Variants in RSRC1 observed in about 807,000 individuals in gnomAD.
The protein encoded by RSRC1 is serine/Arginine-related protein 53.
A neutral mutation model predicts 49.1 loss-of-function variants in RSRC1; 39 were observed. The observed-to-expected ratio is 0.79, with a 90% CI of 0.61 to 1.04. The LOEUF (loss-of-function observed/expected upper bound fraction) is 1.04, where lower values mean the gene tolerates loss of function less well. RSRC1 is among the 50% of genes least tolerant of loss of function. RSRC1 has a pLI of 0.00. For missense variants in RSRC1, 388 were observed against 402.4 expected, an observed-to-expected ratio of 0.96 and a Z score of 0.31; for synonymous variants, 143 against 130.8, an observed-to-expected ratio of 1.09 and a Z score of -0.63.
At chr3:158,279,777 C>T (rs1056840822) in intron 4 of RSRC1, among the ~76,000 whole-genome samples, 1 of 152,220 alleles carries the variant, frequency 6.6e-6, no homozygotes, top group Non-Finnish European at 1.5e-5. Flanking sequence ...TTCCCCCATG[C>T]CACTTCCTCT....
At chr3:158,487,949 G>GGAAAAAGAAAAAAA (rs1553814781) in intron 7 of RSRC1, among the ~76,000 whole-genome samples, 1 of 28,920 alleles carries the variant, frequency 3.5e-5, no homozygotes, top group Non-Finnish European at 6.0e-5. Context: ...TCCATCTCAA[G>GGAAAAAGAAAAAAA]AAAAAAAAAA....
chr3:158,258,166 C>G (rs1373432582), intron 4 of RSRC1, among the ~76,000 whole-genome samples: 1 of 140,072 alleles, frequency 7.1e-6, no homozygotes, highest in Non-Finnish European at 1.5e-5. Flanking sequence ...TTCTTATGCT[C>G]ATTAATGCCC....
rs116806724 is a variant in RSRC1 at position 158,466,698 on chromosome 3, C to T, written c.652+5695C>T. Among the ~76,000 whole-genome samples, 778 of 152,260 alleles carry T rather than the reference C, an allele frequency of 5.1e-3. 4 individuals are homozygous for T. The highest frequency in any genetic ancestry group is 0.018 in the African/African-American group (737 of 41,552). ...CCGAATAAATCACTTAACCTCTCTGCGACTCTAAAGTGGGGAACATGATAA... is the reference window on the plus strand; with the variant it reads ...CCGAATAAATCACTTAACCTCTCTGTGACTCTAAAGTGGGGAACATGATAA... On this transcript the variant is annotated intron_variant, in intron 7 of 9. Transcript: ENST00000611884.
intron 5 of RSRC1, among the ~76,000 whole-genome samples, chr3:158,316,349 T>C (rs1296258149): frequency 6.6e-6 from 1 of 151,840 alleles, no homozygotes; most frequent in East Asian, 1.9e-4. Flanking sequence ...TTTTTGAGTC[T>C]GTCTTATGTG....
chr3:158,346,456 A>G (rs150664543), intron 5 of RSRC1, among the ~76,000 whole-genome samples: 32 of 152,356 alleles, frequency 2.1e-4, no homozygotes, highest in African/African-American at 7.5e-4. Flanking sequence ...TGAGAAAACA[A>G]TCTAATAAAA....
intron 4 of RSRC1, among the ~76,000 whole-genome samples, chr3:158,294,427 T>C (rs1246362457): frequency 1.3e-5 from 2 of 152,142 alleles, no homozygotes; most frequent in African/African-American, 4.8e-5. Flanking sequence ...GATGTTATTA[T>C]GTTTACATTC....
intron 7 of RSRC1, among the ~76,000 whole-genome samples, chr3:158,502,403 T>C (rs1229191000): frequency 6.6e-6 from 1 of 152,222 alleles, no homozygotes; most frequent in African/African-American, 2.4e-5. Context: ...TATTTGCATG[T>C]CTAGTTCTCT....
intron 1 of RSRC1, among the ~76,000 whole-genome samples, chr3:158,111,006 A>T (rs1714353756): frequency 6.6e-6 from 1 of 152,242 alleles, no homozygotes; most frequent in African/African-American, 2.4e-5. Flanking sequence ...ACACTTTCAG[A>T]ATTAGCAGTA....
chr3:158,132,601 C>T (rs1716110685), intron 3 of RSRC1, among the ~76,000 whole-genome samples: 1 of 152,094 alleles, frequency 6.6e-6, no homozygotes, highest in South Asian at 2.1e-4. Flanking sequence ...GATTGCTATT[C>T]CATTCATGTG....
At chr3:158,379,495 T>TGGCCAGAAATACCATTA (rs1361965529) in intron 6 of RSRC1, among the ~76,000 whole-genome samples, 1 of 152,012 alleles carries the variant, frequency 6.6e-6, no homozygotes, top group Non-Finnish European at 1.5e-5. Context: ...CCACCACACC[T>TGGCCAGAAATACCATTA]GGCCAGAAAT....
At chr3:158,223,171 C>T (rs766499287) in intron 4 of RSRC1, among the ~76,000 whole-genome samples, 1 of 151,514 alleles carries the variant, frequency 6.6e-6, no homozygotes, top group Non-Finnish European at 1.5e-5. Flanking sequence ...GTATGCCCTT[C>T]GTCTTCCTCT....
At chr3:158,470,406 T>C (rs1738086909) in intron 7 of RSRC1, among the ~76,000 whole-genome samples, 1 of 151,024 alleles carries the variant, frequency 6.6e-6, no homozygotes, top group South Asian at 2.1e-4. Flanking sequence ...TAATTGACCT[T>C]TTCTTGAAAG....
At chr3:158,413,336 A>T (rs901740417) in intron 6 of RSRC1, among the ~76,000 whole-genome samples, 1 of 152,168 alleles carries the variant, frequency 6.6e-6, no homozygotes, top group Non-Finnish European at 1.5e-5. Flanking sequence ...ACAAAAATTA[A>T]CTCAAGATGG....
Position 158,544,298 on chromosome 3 carries a change from G to A in RSRC1, c.*23G>A. ...TAAGTAATATACATATAGTTGGATTGGATTGTCAGCAGTAACATTGGAAAT... is the reference window on the plus strand; with the variant it reads ...TAAGTAATATACATATAGTTGGATTAGATTGTCAGCAGTAACATTGGAAAT... On this transcript the variant is annotated 3_prime_UTR_variant, in exon 10 of 10. Transcript: ENST00000611884. The A allele has an allele frequency of 7.0e-7, 1 of 1,435,174 alleles. No individual in the cohort carries two copies. The highest frequency in any genetic ancestry group is 2.3e-5 in the East Asian group (1 of 42,614). The allele number at this position is 1,435,174 out of a possible 1,614,324, so 88.9% of individuals were successfully genotyped here. A position where few individuals can be genotyped will look rare whatever the true frequency, so the allele number is the denominator to read the frequency against.
At chr3:158,153,276 G>T (rs774677308) in intron 3 of RSRC1, among the ~76,000 whole-genome samples, 23 of 152,046 alleles carry the variant, frequency 1.5e-4, no homozygotes, top group Non-Finnish European at 3.4e-4. Flanking sequence ...TTTCTCTTTG[G>T]AGACACTTGA....
chr3:158,348,970 A>T (rs1007922725), intron 5 of RSRC1, among the ~76,000 whole-genome samples: 1 of 152,118 alleles, frequency 6.6e-6, no homozygotes, highest in African/African-American at 2.4e-5. Flanking sequence ...TACATATACC[A>T]CGTTTTCTTT....
In RSRC1 at chr3:158,195,067, A is replaced by C. The variant is rs1422491040; in HGVS notation, c.321-8005A>C. ...TTCTAGTTCTAGATCCCTGAGGAAT[A>C]GCCACACTGTCTTCCACCATGGTTG... is the stretch of plus-strand genomic sequence containing the variant. On this transcript the variant is annotated intron_variant, in intron 3 of 9. Coordinates refer to ENST00000611884, the MANE Select transcript of RSRC1 (RefSeq NM_001271838.2). Among the ~76,000 whole-genome samples the C allele has an allele frequency of 6.6e-5, 10 of 152,224 alleles. No homozygotes were observed. In the South Asian group the frequency reaches 1.7e-3, roughly 25 times the overall value.
At chr3:158,257,716 T>C (rs1020022439) in intron 4 of RSRC1, among the ~76,000 whole-genome samples, 12 of 152,196 alleles carry the variant, frequency 7.9e-5, no homozygotes, top group Non-Finnish European at 1.8e-4. Context: ...CTCTCTTCCA[T>C]CTTTTCTTCT....
At chr3:158,265,360 G>C (rs1013256541) in intron 4 of RSRC1, among the ~76,000 whole-genome samples, 1 of 152,128 alleles carries the variant, frequency 6.6e-6, no homozygotes, top group Non-Finnish European at 1.5e-5. Flanking sequence ...GCTGGGTACA[G>C]TGGCTCATGC....
Sources: gnomAD v4.1 joint callset for allele counts (sites outside exome capture counted in the v4.1 genomes callset) on GRCh38, gnomAD v4.1.1 for gene constraint, MANE v1.5 for transcripts, NCBI Gene and HGNC (gene_info 2026-07-23, HGNC 2026-07-21) for gene names.